Variants in RSPO4 observed in about 807,000 individuals in gnomAD.
RSPO4 encodes the protein R-spondin 4, also known as R-spondin-4.
In RSPO4, 23 loss-of-function variants were observed where a neutral mutation model predicts 24.8. The observed-to-expected ratio is 0.93, with a 90% confidence interval of 0.67 to 1.31. RSPO4 has a LOEUF of 1.31. RSPO4 is among the 40% of genes most tolerant of loss of function. RSPO4 has a pLI of 0.00. For missense variants in RSPO4, 333 were observed against 316.5 expected, an observed-to-expected ratio of 1.05 and a Z score of -0.39; for synonymous variants, 141 against 127.4, an observed-to-expected ratio of 1.11 and a Z score of -0.72.
chr20:984,075 C>T (rs1984824382), intron 1 of RSPO4, among the ~76,000 whole-genome samples: 1 of 152,196 alleles, frequency 6.6e-6, no homozygotes, highest in African/African-American at 2.4e-5. Context: ...CGGTGGTTCA[C>T]ACCTGTAATC....
intron 3 of RSPO4, among the ~76,000 whole-genome samples, chr20:966,461 T>TC (rs1367117349): frequency 1.3e-5 from 2 of 152,150 alleles, no homozygotes; most frequent in Non-Finnish European, 1.5e-5. Context: ...CTTTTTTTTT[T>TC]TCTAACGTTT....
At chr20:964,463 G>T (rs1487828764) in intron 3 of RSPO4, among the ~76,000 whole-genome samples, 3 of 152,010 alleles carry the variant, frequency 2.0e-5, no homozygotes, top group Admixed American at 2.0e-4. Context: ...TGGGAGCCCG[G>T]CCCACCATGT....
Position 967,185 on chromosome 20 carries a change from C to A in RSPO4, c.398G>T (p.Arg133Leu). ...PPGTLAHQNTRECQGECELGP... is the reference protein window; with the variant it reads ...PPGTLAHQNTLECQGECELGP... ...AGGTCCCCACTCACCCTGGCACTCC[C>A]GTGTGTTCTGGTGGGCCAAAGTGCC... The change falls in exon 3 of 5, where the codon CGG (arginine) becomes CTG (leucine). Residue 133 changes from arginine (R) to leucine (L), a missense_variant. Coordinates refer to ENST00000217260, the MANE Select transcript of RSPO4 (RefSeq NM_001029871.4). 1 of 1,613,804 alleles carries A rather than the reference C, an allele frequency of 6.2e-7. No homozygotes were observed. The highest frequency in any genetic ancestry group is 8.5e-7 in the Non-Finnish European group (1 of 1,179,964).
intron 1 of RSPO4, among the ~76,000 whole-genome samples, chr20:986,695 C>T (rs1984933851): frequency 6.6e-6 from 1 of 151,324 alleles, no homozygotes; most frequent in Admixed American, 6.6e-5. Context: ...ATGTTTGTAA[C>T]CCTCTGTTAC....
chr20:986,642 G>A (rs1032527185), intron 1 of RSPO4, among the ~76,000 whole-genome samples: 3 of 114,686 alleles, frequency 2.6e-5, no homozygotes, highest in Admixed American at 2.4e-4. Flanking sequence ...AAATACGACT[G>A]TGCATTGGGG....
intron 1 of RSPO4, among the ~76,000 whole-genome samples, chr20:980,524 C>T (rs1984702227): frequency 6.6e-6 from 1 of 152,164 alleles, no homozygotes. Context: ...GTGAAATGCC[C>T]ACTCCGTCTC....
chr20:990,804 A>C, intron 1 of RSPO4, among the ~76,000 whole-genome samples: 1 of 152,166 alleles, frequency 6.6e-6, no homozygotes, highest in East Asian at 1.9e-4. Flanking sequence ...TCTCTCTTAG[A>C]GGAAAATTCA....
At chr20:984,881 G>T (rs1438571329) in intron 1 of RSPO4, among the ~76,000 whole-genome samples, 4 of 127,704 alleles carry the variant, frequency 3.1e-5, no homozygotes, top group Non-Finnish European at 6.7e-5. Flanking sequence ...CTACCCATCT[G>T]CCCACCCATC....
At chr20:993,480 G>C (rs1441934945) in intron 1 of RSPO4, among the ~76,000 whole-genome samples, 1 of 152,184 alleles carries the variant, frequency 6.6e-6, no homozygotes, top group African/African-American at 2.4e-5. Flanking sequence ...AGAGACCTGG[G>C]AGCACATCAC....
chr20:970,435 A>G lies in RSPO4; in HGVS notation c.80-2297T>C, dbSNP rs1041957672. ...GCTTACTGATCCAGGGTCGTACGGA[A>G]GCACACAGTAACTAAAGTGTACCCT... On this transcript the variant is annotated intron_variant, in intron 1 of 4. Coordinates refer to ENST00000217260, the MANE Select transcript of RSPO4 (RefSeq NM_001029871.4). This position sits in a 1 kb window ranked among gnomAD's most constrained non-coding sequence, Gnocchi z 4.1. Among the ~76,000 whole-genome samples the G allele has an allele frequency of 5.3e-5, 8 of 152,104 alleles. No individual in the cohort carries two copies. The highest frequency in any genetic ancestry group is 1.9e-4 in the African/African-American group (8 of 41,398).
In RSPO4 at chr20:1,002,248, C is replaced by G; in HGVS notation, c.-84G>C. 1.0e-6 allele frequency: 1 copy of G among 973,626 alleles called. No homozygotes were observed. Among genetic ancestry groups the G allele is most frequent in the Non-Finnish European group, 1.3e-6 (1 of 752,720 alleles). 60.3% of individuals were successfully genotyped at this position (973,626 alleles called of 1,614,324 possible). A position where few individuals can be genotyped will look rare whatever the true frequency, so the allele number is the denominator to read the frequency against. ...CGTCCCGGCGGCGGCACGGCGGGCG[C>G]GGGGGCTGCTGTGGGCGCGCCGGGC... On this transcript the variant is annotated 5_prime_UTR_variant, in exon 1 of 5. Transcript: ENST00000217260. This position sits in a 1 kb window ranked among gnomAD's most constrained non-coding sequence, Gnocchi z 4.6.
intron 1 of RSPO4, among the ~76,000 whole-genome samples, chr20:985,709 G>T (rs1984899886): frequency 6.6e-6 from 1 of 152,182 alleles, no homozygotes; most frequent in East Asian, 1.9e-4. Context: ...TCCCTGACCT[G>T]CCCCACTGCC....
chr20:973,458 T>G (rs142477799), intron 1 of RSPO4, among the ~76,000 whole-genome samples: 1 of 73,952 alleles, frequency 1.4e-5, no homozygotes. Context: ...TTGTTTGTTT[T>G]ATTGTTTGTT....
chr20:961,656 G>T (rs1984000848), intron 4 of RSPO4, among the ~76,000 whole-genome samples: 1 of 152,266 alleles, frequency 6.6e-6, no homozygotes, highest in Non-Finnish European at 1.5e-5. Context: ...TGGAGATGGG[G>T]TGTGGGTGCT....
rs1983876850 is a variant in RSPO4 at position 958,762 on chromosome 20, C to G, written c.*1595G>C. 1 of 152,290 alleles carries G rather than the reference C, an allele frequency of 6.6e-6. No individual in the cohort carries two copies. Among genetic ancestry groups the G allele is most frequent in the African/African-American group, 2.4e-5 (1 of 41,376 alleles). The allele number at this position is 152,290 out of a possible 1,614,324, so 9.4% of individuals were successfully genotyped here. ...TCATCACCTAGAGCCTCTCCCCCAG[C>G]CTGCTGACCATCTTCCTTCCCCAGG... On this transcript the variant is annotated 3_prime_UTR_variant, in exon 5 of 5. Coordinates refer to ENST00000217260, the MANE Select transcript of RSPO4 (RefSeq NM_001029871.4).
chr20:968,044 G>A lies in RSPO4; in HGVS notation c.174C>T (p.Ile58=), dbSNP rs748550698. 5 of 1,614,230 alleles carry A rather than the reference G, an allele frequency of 3.1e-6. No homozygotes were observed. In the South Asian group the frequency reaches 5.5e-5, roughly 18 times the overall value. ...STCQQRLFLF[I]RREGIRQYGK... ...CGTACTGGCGGATGCCTTCCCGGCG[G>A]ATGAACAGGAAGAGCCTCTGCTGGC... Residue 58 remains isoleucine (I), a synonymous_variant, in exon 2 of 5, where the codon ATC becomes ATT. Coordinates refer to ENST00000217260, the MANE Select transcript of RSPO4 (RefSeq NM_001029871.4).
chr20:961,391 G>C (rs1568901240), intron 4 of RSPO4, among the ~76,000 whole-genome samples: 1 of 152,248 alleles, frequency 6.6e-6, no homozygotes, highest in Non-Finnish European at 1.5e-5. Flanking sequence ...GAGGCTGTTA[G>C]AGACCCTCTG....
chr20:969,780 CA>C (rs1054616463), intron 1 of RSPO4, among the ~76,000 whole-genome samples: 8 of 152,052 alleles, frequency 5.3e-5, no homozygotes, highest in Admixed American at 5.2e-4. Flanking sequence ...AGAAAATGAC[CA>C]GGTGTCACTA....
intron 1 of RSPO4, among the ~76,000 whole-genome samples, chr20:990,828 T>C (rs1985077240): frequency 6.6e-6 from 1 of 152,198 alleles, no homozygotes; most frequent in Non-Finnish European, 1.5e-5. Context: ...CTGTTGAGCT[T>C]ACTACCTCCA....
Sources: allele counts gnomAD v4.1 joint callset (sites outside exome capture counted in the v4.1 genomes callset), GRCh38; gene constraint gnomAD v4.1.1; non-coding constraint Gnocchi (gnomAD v3.1); transcripts MANE v1.5; gene names NCBI Gene and HGNC (gene_info 2026-07-23, HGNC 2026-07-21).